The following ARHGAP6 variants were observed in gnomAD, a reference collection of about 807,000 sequenced individuals.
ARHGAP6 encodes rho GTPase-activating protein 6.
Under a neutral mutation model 55.7 loss-of-function variants are expected in ARHGAP6, and 16 were observed. The observed-to-expected ratio is 0.29, with a 90% CI of 0.19 to 0.44. The LOEUF (loss-of-function observed/expected upper bound fraction) is 0.44. Among genes scored for constraint, ARHGAP6 ranks in the 20% least tolerant of loss-of-function variants. The pLI is 1.00. For synonymous variants in ARHGAP6, 382 were observed against 360.9 expected (o/e 1.06, Z -0.66); for missense variants, 698 against 808.9 (o/e 0.86, Z 1.66).
intron 1 of ARHGAP6, among the ~76,000 whole-genome samples, chrX:11,524,881 G>A (rs770257541): frequency 2.1e-4 from 24 of 111,659 alleles, no homozygotes; most frequent in Admixed American, 1.0e-3. Flanking sequence ...ATGGGAGACA[G>A]TGACAGATCA....
At chrX:11,647,107 T>G (rs961128102) in intron 1 of ARHGAP6, among the ~76,000 whole-genome samples, 1 of 112,212 alleles carries the variant, frequency 8.9e-6, no homozygotes, top group Non-Finnish European at 1.9e-5. Flanking sequence ...CATACTTTGT[T>G]CTCTAGAGAT....
intron 1 of ARHGAP6, among the ~76,000 whole-genome samples, chrX:11,500,520 G>C (rs1411310982): frequency 9.2e-6 from 1 of 108,583 alleles, no homozygotes; most frequent in Non-Finnish European, 1.9e-5. Flanking sequence ...AATTACCCAA[G>C]CATGGTGATG....
Position 11,579,115 on chromosome X carries a change from C to T in ARHGAP6, c.588+85126G>A, listed in dbSNP as rs1245488356. Among the ~76,000 whole-genome samples the T allele has an allele frequency of 2.7e-5, 3 of 110,442 alleles. No homozygotes were observed. The East Asian group carries it at 8.5e-4, about 31-fold the overall frequency. Reference sequence around the variant, plus strand: ...TGACGAATTAATGGGTGCAGCAAACCAACATGGCACATGCATACATATGTA... The same window carrying T: ...TGACGAATTAATGGGTGCAGCAAACTAACATGGCACATGCATACATATGTA... On this transcript the variant is annotated intron_variant, in intron 1 of 12. Coordinates refer to ENST00000337414, the MANE Select transcript of ARHGAP6 (RefSeq NM_013427.3).
chrX:11,239,069 T>C (rs773936242), intron 2 of ARHGAP6, among the ~76,000 whole-genome samples: 25 of 111,811 alleles, frequency 2.2e-4, no homozygotes, highest in Non-Finnish European at 3.4e-4. Flanking sequence ...GTTTTGTTGA[T>C]AGCAATGCAC....
intron 1 of ARHGAP6, among the ~76,000 whole-genome samples, chrX:11,575,364 G>A (rs1191650820): frequency 4.5e-5 from 5 of 111,736 alleles, no homozygotes; most frequent in Admixed American, 9.6e-5. Flanking sequence ...GTTTTTTCCA[G>A]CAATTAGCTT....
At chrX:11,226,409 G>T (rs2047051167) in intron 2 of ARHGAP6, among the ~76,000 whole-genome samples, 1 of 110,902 alleles carries the variant, frequency 9.0e-6, no homozygotes, top group Non-Finnish European at 1.9e-5. Context: ...CATTTGGGTT[G>T]GTTCCAAGTG....
intron 2 of ARHGAP6, among the ~76,000 whole-genome samples, chrX:11,202,327 C>T (rs1270481217): frequency 1.8e-5 from 2 of 110,489 alleles, no homozygotes; most frequent in Non-Finnish European, 3.8e-5. Flanking sequence ...TCATTGAAGG[C>T]TCTCAAAATC....
chrX:11,438,102 T>C (rs2050004618), intron 1 of ARHGAP6, among the ~76,000 whole-genome samples: 1 of 112,519 alleles, frequency 8.9e-6, no homozygotes, highest in African/African-American at 3.2e-5. Flanking sequence ...ACTGACATCT[T>C]TGCCTACATT....
At chrX:11,598,792 C>T (rs1156365224) in intron 1 of ARHGAP6, among the ~76,000 whole-genome samples, 2 of 111,672 alleles carry the variant, frequency 1.8e-5, no homozygotes, top group Non-Finnish European at 3.8e-5. Context: ...CATGGTGGCT[C>T]GCGCCTGTAA....
At chrX:11,445,704 A>G (rs899255568) in intron 1 of ARHGAP6, among the ~76,000 whole-genome samples, 1 of 111,593 alleles carries the variant, frequency 9.0e-6, no homozygotes, top group Admixed American at 9.5e-5. Flanking sequence ...GTGTGGGGAC[A>G]TTTTGGTTGT....
chrX:11,451,352 C>T (rs1233315880), intron 1 of ARHGAP6, among the ~76,000 whole-genome samples: 2 of 111,640 alleles, frequency 1.8e-5, no homozygotes, highest in Non-Finnish European at 3.8e-5. Context: ...GCAACAAAGC[C>T]GGAGTATATT....
chrX:11,305,960 G>C (rs1171736861), intron 1 of ARHGAP6, among the ~76,000 whole-genome samples: 5 of 111,751 alleles, frequency 4.5e-5, no homozygotes, highest in Admixed American at 2.8e-4. Flanking sequence ...CCAGGCCATC[G>C]AACACCCTAT....
intron 1 of ARHGAP6, among the ~76,000 whole-genome samples, chrX:11,499,340 G>A: frequency 8.9e-6 from 1 of 112,100 alleles, no homozygotes; most frequent in East Asian, 2.8e-4. Flanking sequence ...TTGATGTGAA[G>A]ATATTTGTGA....
intron 2 of ARHGAP6, among the ~76,000 whole-genome samples, chrX:11,251,408 G>A (rs1451419492): frequency 1.8e-5 from 2 of 111,634 alleles, no homozygotes; most frequent in Non-Finnish European, 3.8e-5. Context: ...AAATCACCCA[G>A]TAATTTCCCA....
intron 3 of ARHGAP6, among the ~76,000 whole-genome samples, chrX:11,192,425 T>G (rs113848461): frequency 0.043 from 4,811 of 111,704 alleles, 292 homozygotes; most frequent in African/African-American, 0.15. Context: ...CTGTGTGAGC[T>G]GGCCCCTTCC....
At chrX:11,283,638 A>G (rs1455034404) in intron 1 of ARHGAP6, among the ~76,000 whole-genome samples, 2 of 112,049 alleles carry the variant, frequency 1.8e-5, no homozygotes, top group Non-Finnish European at 3.8e-5. Flanking sequence ...TGGGACTAAT[A>G]TCATCACAGG....
At chrX:11,436,565 T>C (rs1055830012) in intron 1 of ARHGAP6, among the ~76,000 whole-genome samples, 3 of 112,222 alleles carry the variant, frequency 2.7e-5, no homozygotes, top group Non-Finnish European at 5.6e-5. Flanking sequence ...TGAAAACATA[T>C]GTCCACAAAA....
intron 10 of ARHGAP6, among the ~76,000 whole-genome samples, chrX:11,153,688 C>G (rs1394504467): frequency 9.1e-6 from 1 of 110,463 alleles, no homozygotes; most frequent in East Asian, 2.8e-4. Flanking sequence ...TGGCCTGTAC[C>G]TAGAGGAACA....
intron 1 of ARHGAP6, among the ~76,000 whole-genome samples, chrX:11,523,887 T>G (rs986084351): frequency 9.0e-6 from 1 of 111,590 alleles, no homozygotes; most frequent in Non-Finnish European, 1.9e-5. Flanking sequence ...AACTCAGGTT[T>G]TAGCATCATA....
Sources: allele counts gnomAD v4.1 joint callset (sites outside exome capture counted in the v4.1 genomes callset), GRCh38; gene constraint gnomAD v4.1.1; transcripts MANE v1.5; gene names NCBI Gene and HGNC (gene_info 2026-07-23, HGNC 2026-07-21).